Variants in TTK observed in about 807,000 individuals in gnomAD.
The protein encoded by TTK is TTK protein kinase, also known as dual specificity protein kinase TTK.
Under a neutral mutation model 117.3 loss-of-function variants are expected in TTK, and 59 were observed. The observed-to-expected ratio is 0.50, with a 90% CI of 0.41 to 0.62. TTK has a LOEUF of 0.62. Among genes scored for constraint, TTK ranks in the 20% least tolerant of loss-of-function variants. The pLI is 0.00. For synonymous variants in TTK, 302 were observed against 325.0 expected, an observed-to-expected ratio of 0.93 and a Z score of 0.76; for missense variants, 921 against 989.4, an observed-to-expected ratio of 0.93 and a Z score of 0.93.
In TTK at chr6:80,011,954, T is replaced by C. The variant is rs749138317; in HGVS notation, c.870T>C (p.Asp290=). Residue 290 remains aspartate (D), a synonymous_variant, in exon 8 of 22, where the codon GAT becomes GAC. Transcript: ENST00000369798. ...NSPDCDVKTD[D]SVVPCFMKRQ... is the part of the protein sequence containing the mutation. ...CAGATTGTGATGTGAAGACAGATGA[T>C]TCAGTTGTACCTTGTTTTATGAAAA... The C allele has an allele frequency of 6.2e-7, 1 of 1,611,472 alleles. No homozygotes were observed. The highest frequency in any genetic ancestry group is 8.5e-7 in the Non-Finnish European group (1 of 1,178,902).
At chr6:80,042,009 C>A in intron 21 of TTK, 110 bp from the exon 22 acceptor site, 1 of 536,130 alleles carries the variant, frequency 1.9e-6, no homozygotes, top group Non-Finnish European at 3.1e-6. Context: ...ACTGTAAGAA[C>A]AAGAGAGAAA....
At chr6:80,009,585 A>G (rs1767089154) in intron 4 of TTK, among the ~76,000 whole-genome samples, 1 of 152,104 alleles carries the variant, frequency 6.6e-6, no homozygotes, top group Admixed American at 6.6e-5. Flanking sequence ...TAAATTTTAC[A>G]TGTTTAGAAC....
chr6:80,029,408 T>G (rs2127679447), intron 13 of TTK, among the ~76,000 whole-genome samples: 1 of 152,352 alleles, frequency 6.6e-6, no homozygotes, highest in East Asian at 1.9e-4. Flanking sequence ...GGTGATAGTG[T>G]TTTAAGGATT....
chr6:80,022,289 T>G, intron 10 of TTK, 35 bp from the exon 11 acceptor site: 1 of 1,597,090 alleles, frequency 6.3e-7, no homozygotes. Flanking sequence ...TGATCAAATA[T>G]TCTTGCTTTT....
rs764798180 is a variant in TTK, at chr6:80,036,502, C to G, written c.1952C>G (p.Ala651Gly). Reference protein sequence around the residue: ...HGIVHSDLKPANFLIVDGMLK... With the variant: ...HGIVHSDLKPGNFLIVDGMLK... ...ATTGTTCACAGTGATCTTAAACCAGCTAACTTTCTGATAGTTGATGGAATG... is the reference window on the plus strand; with the variant it reads ...ATTGTTCACAGTGATCTTAAACCAGGTAACTTTCTGATAGTTGATGGAATG... The change falls in exon 17 of 22, where the codon GCT becomes GGT. Residue 651 changes from alanine (A) to glycine (G), a missense_variant. Coordinates refer to ENST00000369798, the MANE Select transcript of TTK (RefSeq NM_003318.5). 1 of 1,610,540 alleles carries G rather than the reference C, an allele frequency of 6.2e-7. No individual in the cohort carries two copies. The highest frequency in any genetic ancestry group is 8.5e-7 in the Non-Finnish European group (1 of 1,178,438).
chr6:80,027,005 G>C (rs568157862), intron 12 of TTK, among the ~76,000 whole-genome samples: 85 of 152,250 alleles, frequency 5.6e-4, no homozygotes, highest in Non-Finnish European at 1.1e-3. Flanking sequence ...TGATGGATAA[G>C]TGAAGAAGTT....
chr6:80,021,677 T>C (rs972504487), intron 10 of TTK, among the ~76,000 whole-genome samples: 14 of 152,188 alleles, frequency 9.2e-5, no homozygotes, highest in African/African-American at 2.9e-4. Context: ...GTGATAGTTA[T>C]ATTGAGTAAT....
Position 80,008,007 on chromosome 6 carries a change from A to T in TTK, c.338A>T (p.Gln113Leu). The change falls in exon 3 of 22, where the codon CAA becomes CTA. Residue 113 changes from glutamine to leucine, a missense_variant. By Grantham distance (113) the Gln-to-Leu change is moderately radical (BLOSUM62 -2). Coordinates refer to ENST00000369798, the MANE Select transcript of TTK (RefSeq NM_003318.5). ...YGQNESFARI[Q>L]VRFAELKAIQ... ...CAAAATGAGAGTTTTGCTAGAATTC[A>T]AGTGAGATTTGCTGAATTAAAAGCG... 1.2e-6 allele frequency: 2 copies of T among 1,613,462 alleles called. No homozygotes were observed. Among genetic ancestry groups the T allele is most frequent in the Non-Finnish European group, 1.7e-6 (2 of 1,179,564 alleles).
rs1384871403 is a variant in TTK at position 80,011,717 on chromosome 6, CT to C, written c.729-9del. 1 of 1,611,056 alleles carries C rather than the reference CT, an allele frequency of 6.2e-7. No individual in the cohort carries two copies. Among genetic ancestry groups the C allele is most frequent in the Non-Finnish European group, 8.5e-7 (1 of 1,178,606 alleles). ...TTCTTTGAAAAATTGGGGGTATTTT[CT>C]TTCTGTTTAGAGAGAACATGCCACC... On this transcript the variant is annotated splice_polypyrimidine_tract_variant and intron_variant, in intron 6 of 21. Coordinates refer to ENST00000369798, the MANE Select transcript of TTK (RefSeq NM_003318.5).
intron 9 of TTK, 139 bp from the exon 10 acceptor site, chr6:80,014,324 T>G (rs1225174115): frequency 1.7e-6 from 1 of 601,390 alleles, no homozygotes; most frequent in Non-Finnish European, 2.5e-6. Context: ...TTGCTGGGGG[T>G]TTGTGAGTCT....
At chr6:80,029,640 A>G (rs1767701649) in intron 13 of TTK, among the ~76,000 whole-genome samples, 2 of 152,210 alleles carry the variant, frequency 1.3e-5, no homozygotes, top group African/African-American at 4.8e-5. Flanking sequence ...GCTAGAGGTC[A>G]GGAAGGGGAA....
At chr6:80,018,649 T>A (rs1052266287) in intron 10 of TTK, among the ~76,000 whole-genome samples, 62 of 113,098 alleles carry the variant, frequency 5.5e-4, no homozygotes, top group African/African-American at 2.2e-3. Flanking sequence ...AAAAAAAAAA[T>A]ATAGCTTTTT....
At chr6:80,014,893 T>C (rs1431281483) in intron 10 of TTK, among the ~76,000 whole-genome samples, 1 of 152,142 alleles carries the variant, frequency 6.6e-6, no homozygotes, top group Non-Finnish European at 1.5e-5. Context: ...ATATGACAGC[T>C]CTCATCTTTT....
At chr6:80,037,566 G>A (rs954897716) in intron 17 of TTK, 1 of 152,652 alleles carries the variant, frequency 6.6e-6, no homozygotes, top group Non-Finnish European at 1.5e-5. Context: ...GAAACGAATG[G>A]TAAGTCCCTC....
At chr6:80,040,387 C>T in intron 20 of TTK, 107 bp downstream of exon 20, 2 of 1,025,696 alleles carry the variant, frequency 1.9e-6, no homozygotes, top group Non-Finnish European at 2.7e-6. Flanking sequence ...CTTTGTCAGC[C>T]TGCCTTTTTC....
chr6:80,027,049 A>T (rs1241265437), intron 12 of TTK, among the ~76,000 whole-genome samples: 2 of 152,148 alleles, frequency 1.3e-5, no homozygotes, highest in African/African-American at 4.8e-5. Flanking sequence ...AACACAAGGG[A>T]TACTACAAAA....
At chr6:80,039,930 G>T in intron 19 of TTK, 58 bp downstream of exon 19, 1 of 1,319,884 alleles carries the variant, frequency 7.6e-7, no homozygotes, top group African/African-American at 1.5e-5. Context: ...GAAATAATTG[G>T]AATTATGTAA....
At chr6:80,012,854 C>G (rs1767197339) in intron 8 of TTK, among the ~76,000 whole-genome samples, 1 of 150,810 alleles carries the variant, frequency 6.6e-6, no homozygotes, top group Non-Finnish European at 1.5e-5. Context: ...AAATTAAAAA[C>G]AAAAACAGAA....
rs763281952 is a variant in TTK at position 80,035,097 on chromosome 6, A to G, written c.1727A>G (p.Asn576Ser). 18 of 1,598,498 alleles carry G rather than the reference A, an allele frequency of 1.1e-5. No individual in the cohort carries two copies. In the South Asian group the frequency reaches 2.0e-4, roughly 17 times the overall value. ...DSYRNEIAYL[N>S]KLQQHSDKII... ...TACCGGAACGAAATAGCTTATTTGA[A>G]TAAACTACAACAACACAGTGATAAG... Residue 576 changes from asparagine to serine, a missense_variant, in exon 15 of 22, where the codon AAT becomes AGT. By Grantham distance (46) the Asn-to-Ser change is conservative. Transcript: ENST00000369798.
Sources: gnomAD v4.1 joint callset for allele counts (sites outside exome capture counted in the v4.1 genomes callset) on GRCh38, gnomAD v4.1.1 for gene constraint, MANE v1.5 for transcripts, NCBI Gene and HGNC (gene_info 2026-07-23, HGNC 2026-07-21) for gene names.